The following ACVR1B variants were observed in gnomAD, a reference collection of about 807,000 sequenced individuals.
ACVR1B encodes activin receptor type-1B.
ACVR1B carries 15 observed loss-of-function variants against 55.6 expected under a neutral mutation model. That is an observed-to-expected ratio of 0.27 (90% CI 0.18 to 0.42). ACVR1B has a LOEUF of 0.42. Ranked by LOEUF, ACVR1B falls within the 10% of genes least tolerant of loss-of-function variation. The pLI is 1.00. For missense variants in ACVR1B, 359 were observed against 670.1 expected, an observed-to-expected ratio of 0.54 and a Z score of 5.13; for synonymous variants, 247 against 254.6, an observed-to-expected ratio of 0.97 and a Z score of 0.28.
At chr12:51,958,451 T>G (rs538796407) in intron 1 of ACVR1B, among the ~76,000 whole-genome samples, 1 of 143,722 alleles carries the variant, frequency 7.0e-6, no homozygotes, top group African/African-American at 2.4e-5. Flanking sequence ...AAGACCAGCC[T>G]GGCCAACATG....
Position 51,987,287 on chromosome 12 carries a change from T to C in ACVR1B, c.1261+345T>C, listed in dbSNP as rs1412265647. On this transcript the variant is annotated intron_variant, in intron 7 of 8. Transcript: ENST00000257963. ...GTGGTCTCCTTCACATCAGAAGCAG[T>C]ATATTCTAACGCGGTGGCTCCCAAG... 3 of 602,644 alleles carry C rather than the reference T, an allele frequency of 5.0e-6. No individual in the cohort carries two copies. The African/African-American group carries it at 5.6e-5, about 11-fold the overall frequency. The allele number at this position is 602,644 out of a possible 1,614,324, so 37.3% of individuals were successfully genotyped here. A position where few individuals can be genotyped will look rare whatever the true frequency, so the allele number is the denominator to read the frequency against.
intron 7 of ACVR1B, 35 bp downstream of exon 7, chr12:51,986,977 A>T (rs578053222): frequency 6.2e-7 from 1 of 1,614,234 alleles, no homozygotes; most frequent in South Asian, 1.1e-5. Context: ...CCTACCTCCC[A>T]TTCCAGGATG....
chr12:51,975,797 A>G (rs1941838544), intron 2 of ACVR1B, among the ~76,000 whole-genome samples: 1 of 152,196 alleles, frequency 6.6e-6, no homozygotes, highest in Non-Finnish European at 1.5e-5. Context: ...CCACGGGAGG[A>G]TGTGGGACTG....
At chr12:51,983,018 TTA>T (rs1388536492) in intron 4 of ACVR1B, among the ~76,000 whole-genome samples, 1 of 152,180 alleles carries the variant, frequency 6.6e-6, no homozygotes, top group African/African-American at 2.4e-5. Flanking sequence ...ATCCATCCCT[TTA>T]TTGATTCTGG....
intron 1 of ACVR1B, among the ~76,000 whole-genome samples, chr12:51,969,309 G>T (rs1356535794): frequency 3.3e-5 from 5 of 152,134 alleles, no homozygotes; most frequent in Non-Finnish European, 7.4e-5. Context: ...GTCGTAAATG[G>T]CCATTTTTGA....
intron 1 of ACVR1B, among the ~76,000 whole-genome samples, chr12:51,970,960 C>T (rs1941735940): frequency 6.6e-6 from 1 of 152,184 alleles, no homozygotes; most frequent in Non-Finnish European, 1.5e-5. Flanking sequence ...ACGTTGTGTG[C>T]TGTGCCTCTT....
chr12:51,961,656 G>A (rs1941529590), intron 1 of ACVR1B, among the ~76,000 whole-genome samples: 1 of 152,040 alleles, frequency 6.6e-6, no homozygotes, highest in Non-Finnish European at 1.5e-5. Flanking sequence ...GACATACACG[G>A]TCTCCTCTCC....
At chr12:51,973,810 T>C (rs990280718) in intron 1 of ACVR1B, among the ~76,000 whole-genome samples, 2 of 152,180 alleles carry the variant, frequency 1.3e-5, no homozygotes, top group Non-Finnish European at 2.9e-5. Flanking sequence ...AGTGAAGATC[T>C]GCACTGTCTA....
At position 51,994,173 on chromosome 12, in the gene ACVR1B, C is replaced by T. The variant is rs944774994; in HGVS notation, c.*63C>T. The T allele has an allele frequency of 1.9e-6, 3 of 1,586,862 alleles. No individual in the cohort carries two copies. Among genetic ancestry groups the T allele is most frequent in the Middle Eastern group, 2.0e-4 (1 of 5,114 alleles). On this transcript the variant is annotated 3_prime_UTR_variant, in exon 9 of 9. Coordinates refer to ENST00000257963, the MANE Select transcript of ACVR1B (RefSeq NM_004302.5). This position sits in a 1 kb window ranked among gnomAD's most constrained non-coding sequence, Gnocchi z 4.2. ...AACTACGCACAGCTGCCGCGTTGAG[C>T]GTACGATGGAGGCCTACCTCTCGTT...
chr12:51,965,665 G>A (rs1941625404), intron 1 of ACVR1B, among the ~76,000 whole-genome samples: 1 of 152,104 alleles, frequency 6.6e-6, no homozygotes, highest in African/African-American at 2.4e-5. Context: ...TATATGGATG[G>A]TATAGTTGGG....
intron 1 of ACVR1B, among the ~76,000 whole-genome samples, chr12:51,952,652 C>A (rs1325859426): frequency 6.6e-6 from 1 of 152,172 alleles, no homozygotes. Flanking sequence ...CCACCCTACC[C>A]CGGGGGGCCC....
intron 4 of ACVR1B, among the ~76,000 whole-genome samples, chr12:51,982,051 C>G (rs1941991069): frequency 6.6e-6 from 1 of 152,140 alleles, no homozygotes; most frequent in Non-Finnish European, 1.5e-5. Flanking sequence ...GTGCCAGGCA[C>G]CTCCCTATGT....
intron 4 of ACVR1B, chr12:51,982,774 A>C: frequency 6.5e-7 from 1 of 1,531,498 alleles, no homozygotes; most frequent in Non-Finnish European, 8.7e-7. Flanking sequence ...AATACAAGGG[A>C]GGAAGGGGAA....
intron 1 of ACVR1B, among the ~76,000 whole-genome samples, chr12:51,962,544 G>GCTTTACTGCTGCAAGATTTTT (rs1397954075): frequency 6.6e-6 from 1 of 151,950 alleles, no homozygotes; most frequent in Non-Finnish European, 1.5e-5. Context: ...GCATGTGATT[G>GCTTTACTGCTGCAAGATTTTT]CTTTACTGCT....
intron 1 of ACVR1B, among the ~76,000 whole-genome samples, chr12:51,970,576 TTA>T (rs1941727186): frequency 6.6e-6 from 1 of 152,136 alleles, no homozygotes; most frequent in East Asian, 1.9e-4. Flanking sequence ...TTGTGTAGAG[TTA>T]TGGTCTTTGT....
chr12:51,996,379 A>G lies in ACVR1B; in HGVS notation c.*2269A>G, dbSNP rs1349832501. The G allele has an allele frequency of 6.6e-6, 1 of 152,520 alleles. No individual in the cohort carries two copies. The highest frequency in any genetic ancestry group is 1.5e-5 in the Non-Finnish European group (1 of 68,028). The allele number at this position is 152,520 out of a possible 1,614,324, so 9.4% of individuals were successfully genotyped here. A position where few individuals can be genotyped will look rare whatever the true frequency, so the allele number is the denominator to read the frequency against. ...CCTGGCCCTTCTATTTATTTGACTGATTATTGCTTCTTTCCTTGCATTAAA... is the reference window on the plus strand; with the variant it reads ...CCTGGCCCTTCTATTTATTTGACTGGTTATTGCTTCTTTCCTTGCATTAAA... On this transcript the variant is annotated 3_prime_UTR_variant, in exon 9 of 9. Coordinates refer to ENST00000257963, the MANE Select transcript of ACVR1B (RefSeq NM_004302.5).
At chr12:51,970,974 T>A (rs1275552956) in intron 1 of ACVR1B, among the ~76,000 whole-genome samples, 1 of 152,186 alleles carries the variant, frequency 6.6e-6, no homozygotes, top group Admixed American at 6.5e-5. Flanking sequence ...GCCTCTTCCC[T>A]TTCACAGGGG....
chr12:51,993,826 G>A (rs1465774364), intron 8 of ACVR1B, among the ~76,000 whole-genome samples, 159 bp from the exon 9 acceptor site: 1 of 143,778 alleles, frequency 7.0e-6, no homozygotes, highest in African/African-American at 2.6e-5. Context: ...GGAACAAAGG[G>A]AGCCTTGCAG....
At chr12:51,990,569 G>A (rs7301802) in intron 7 of ACVR1B, among the ~76,000 whole-genome samples, 39,531 of 151,768 alleles carry the variant, frequency 0.26, 5,653 homozygotes, top group Admixed American at 0.47. Context: ...TTCCACCTCG[G>A]CCTCCCAAAG....
Sources: allele counts gnomAD v4.1 joint callset (sites outside exome capture counted in the v4.1 genomes callset), GRCh38; gene constraint gnomAD v4.1.1; non-coding constraint Gnocchi (gnomAD v3.1); transcripts MANE v1.5; gene names NCBI Gene and HGNC (gene_info 2026-07-23, HGNC 2026-07-21).